The following DPH6 variants were observed in gnomAD, a reference collection of about 807,000 sequenced individuals.
The protein encoded by DPH6 is diphthine--ammonia ligase.
A neutral mutation model predicts 38.2 loss-of-function variants in DPH6; 33 were observed. The observed-to-expected ratio is 0.86, with a 90% CI of 0.65 to 1.15. The LOEUF (loss-of-function observed/expected upper bound fraction) is 1.15. DPH6 is among the 50% of genes most tolerant of loss of function. The pLI is 0.00. For missense variants in DPH6, 325 were observed against 320.0 expected (o/e 1.02, Z -0.12); for synonymous variants, 108 against 103.0 (o/e 1.05, Z -0.30).
intron 3 of DPH6, among the ~76,000 whole-genome samples, chr15:35,246,283 T>C (rs1329395747): frequency 6.6e-6 from 1 of 152,254 alleles, no homozygotes; most frequent in African/African-American, 2.4e-5. Flanking sequence ...CAAGTTAAAC[T>C]GGTGAACAGT....
chr15:35,383,449 AGAT>A (rs1566888968), intron 6 of DPH6, among the ~76,000 whole-genome samples: 1 of 152,250 alleles, frequency 6.6e-6, no homozygotes, highest in Non-Finnish European at 1.5e-5. Context: ...AGGCCTTGCT[AGAT>A]GATGAAGTTT....
the DPH6 span, among the ~76,000 whole-genome samples, chr15:35,200,848 A>T: frequency 1.3e-5 from 2 of 151,812 alleles, no homozygotes; most frequent in South Asian, 2.1e-4. Flanking sequence ...TAACATGATG[A>T]TTGCTTTAAG....
chr15:35,270,874 T>C lies in DPH6; in HGVS notation n.201-50292A>G, dbSNP rs541398467. Among the ~76,000 whole-genome samples the C allele has an allele frequency of 7.2e-5, 11 of 152,348 alleles. No individual in the cohort carries two copies. In the East Asian group the frequency reaches 7.7e-4, roughly 11 times the overall value. Reference sequence around the variant, plus strand: ...TTTAAATCTCATAGCAGTTTTACGATGTAAAGATCCTTTGATCCTTTTCAT... The same window carrying C: ...TTTAAATCTCATAGCAGTTTTACGACGTAAAGATCCTTTGATCCTTTTCAT... On this transcript the variant is annotated intron_variant and non_coding_transcript_variant, in intron 3 of 3. Coordinates refer to the DPH6 transcript ENST00000560386.
chr15:35,365,041 C>G (rs576988221), intron 3 of DPH6, among the ~76,000 whole-genome samples: 20 of 152,012 alleles, frequency 1.3e-4, no homozygotes, highest in Non-Finnish European at 2.8e-4. Context: ...CTGGCTATAT[C>G]TACAAGATAT....
chr15:35,391,931 G>A (rs1487085290), intron 6 of DPH6, among the ~76,000 whole-genome samples: 3 of 152,158 alleles, frequency 2.0e-5, no homozygotes, highest in African/African-American at 4.8e-5. Flanking sequence ...CTTCTGCGTC[G>A]CTGATGCTGG....
the DPH6 span, among the ~76,000 whole-genome samples, chr15:35,156,772 T>C: frequency 6.6e-6 from 1 of 152,152 alleles, no homozygotes; most frequent in East Asian, 1.9e-4. Flanking sequence ...GGGCCACAAA[T>C]AGAGAAATAC....
chr15:35,483,468 A>T (rs557093490), intron 3 of DPH6, among the ~76,000 whole-genome samples: 63 of 149,098 alleles, frequency 4.2e-4, no homozygotes, highest in Admixed American at 2.9e-3. Flanking sequence ...TGTCTCAAAA[A>T]AAAACCAAAA....
chr15:35,203,950 T>C, the DPH6 span, among the ~76,000 whole-genome samples: 1 of 151,660 alleles, frequency 6.6e-6, no homozygotes, highest in Admixed American at 6.6e-5. Flanking sequence ...TTATATTATG[T>C]TTTTAAAAAG....
At chr15:35,539,396 T>C (rs545855105) in intron 2 of DPH6, among the ~76,000 whole-genome samples, 2 of 152,130 alleles carry the variant, frequency 1.3e-5, no homozygotes, top group South Asian at 4.1e-4. Flanking sequence ...AAGACATTAA[T>C]AGGTATCGGA....
rs898283319 is a variant in DPH6 at position 35,243,197 on chromosome 15, T to C, written n.201-22615A>G. ...TACATGACAAATGTTTCTTCTAACA[T>C]CCCCACAATATCACCCCTTACCACA... On this transcript the variant is annotated intron_variant and non_coding_transcript_variant, in intron 3 of 3. Coordinates refer to the DPH6 transcript ENST00000560386. 3.5e-5 allele frequency among the ~76,000 whole-genome samples: 5 copies of C among 141,178 alleles called. 1 individual carries two copies. Among genetic ancestry groups the C allele is most frequent in the African/African-American group, 1.3e-4 (5 of 38,886 alleles). The allele number at this position is 141,178 out of a possible 152,430, so 92.6% of individuals were successfully genotyped here.
At chr15:35,167,855 A>G in the DPH6 span, among the ~76,000 whole-genome samples, 1 of 152,030 alleles carries the variant, frequency 6.6e-6, no homozygotes, top group African/African-American at 2.4e-5. Context: ...GGATAAGGGA[A>G]AGTTATGAGG....
chr15:35,525,265 A>C (rs1595442882), intron 3 of DPH6, among the ~76,000 whole-genome samples: 1 of 152,122 alleles, frequency 6.6e-6, no homozygotes, highest in East Asian at 1.9e-4. Context: ...CTTCAACATA[A>C]AATCCAAAGG....
intron 3 of DPH6, among the ~76,000 whole-genome samples, chr15:35,258,162 T>C (rs1249398809): frequency 6.6e-6 from 1 of 152,166 alleles, no homozygotes; most frequent in Non-Finnish European, 1.5e-5. Context: ...GATAAAGCCA[T>C]TGAATTATTA....
chr15:35,415,570 G>C (rs2053425732), intron 5 of DPH6, among the ~76,000 whole-genome samples: 1 of 152,042 alleles, frequency 6.6e-6, no homozygotes, highest in African/African-American at 2.4e-5. Context: ...TTCCACAGTG[G>C]ATAAAGTTAT....
chr15:35,268,415 T>C (rs1418323327), intron 3 of DPH6, among the ~76,000 whole-genome samples: 1 of 151,566 alleles, frequency 6.6e-6, no homozygotes, highest in East Asian at 1.9e-4. Context: ...AGAGATATTA[T>C]TAAGGAAAGA....
downstream of DPH6, among the ~76,000 whole-genome samples, chr15:35,326,230 A>C (rs1341955055): frequency 2.0e-5 from 3 of 152,150 alleles, no homozygotes; most frequent in Non-Finnish European, 4.4e-5. Context: ...TCCACACATA[A>C]AAACAGCATA....
At chr15:35,222,533 T>C (rs754404138) in intron 3 of DPH6, among the ~76,000 whole-genome samples, 1 of 152,056 alleles carries the variant, frequency 6.6e-6, no homozygotes, top group Non-Finnish European at 1.5e-5. Flanking sequence ...GTAGGACAAC[T>C]TGAAGGGGGG....
the DPH6 span, among the ~76,000 whole-genome samples, chr15:35,163,912 T>A: frequency 6.6e-6 from 1 of 151,752 alleles, no homozygotes; most frequent in Non-Finnish European, 1.5e-5. Context: ...AAAAGGAAGT[T>A]CTACTCATAT....
At chr15:35,296,436 A>G (rs2052015327) in intron 3 of DPH6, among the ~76,000 whole-genome samples, 1 of 151,940 alleles carries the variant, frequency 6.6e-6, no homozygotes, top group African/African-American at 2.4e-5. Context: ...TGACCCTACC[A>G]CTTTTTACTA....
Sources: gnomAD v4.1 joint callset for allele counts (sites outside exome capture counted in the v4.1 genomes callset) on GRCh38, gnomAD v4.1.1 for gene constraint, MANE v1.5 for transcripts, NCBI Gene and HGNC (gene_info 2026-07-23, HGNC 2026-07-21) for gene names.